BICRA: variants seen among roughly 807,000 people sequenced by gnomAD.
BICRA encodes the protein BRD4-interacting chromatin-remodeling complex-associated protein.
A neutral mutation model predicts 96.9 loss-of-function variants in BICRA; 31 were observed. The ratio of observed to expected loss-of-function variants is 0.32; its 90% confidence interval spans 0.24 to 0.43. The LOEUF is 0.43. Ranked by LOEUF, BICRA falls within the 20% of genes least tolerant of loss-of-function variation. BICRA has a pLI of 1.00. For synonymous variants in BICRA, 1,350 were observed against 1,071.8 expected, an observed-to-expected ratio of 1.26 and a Z score of -5.07; for missense variants, 2,283 against 2,190.3, an observed-to-expected ratio of 1.04 and a Z score of -0.84.
chr19:47,681,194 A>G lies in BICRA; in HGVS notation c.2024A>G (p.Glu675Gly). Residue 675 changes from glutamate (E) to glycine (G), a missense_variant, in exon 6 of 15, where the codon GAG becomes GGG. Coordinates refer to ENST00000594866, the MANE Select transcript of BICRA (RefSeq NM_001394372.1). ...AGCCCTGGCCTGGCGTCTAGCCCGG[A>G]GAAGATCGTCCTGGGGCAGCCGCCC... ...QPSPGLASSP[E>G]KIVLGQPPSA... The G allele has an allele frequency of 6.6e-7, 1 of 1,522,934 alleles. No homozygotes were observed. 94.3% of individuals were successfully genotyped at this position (1,522,934 alleles called of 1,614,324 possible). A position where few individuals can be genotyped will look rare whatever the true frequency, so the allele number is the denominator to read the frequency against.
intron 2 of BICRA, among the ~76,000 whole-genome samples, chr19:47,670,959 A>G (rs10420569): frequency 0.32 from 48,728 of 151,580 alleles, 9,890 homozygotes; most frequent in African/African-American, 0.57. Context: ...CCCGGGAGGC[A>G]CCTCCCCGGG....
chr19:47,651,469 C>T (rs1290506339), intron 1 of BICRA, among the ~76,000 whole-genome samples: 1 of 152,118 alleles, frequency 6.6e-6, no homozygotes, highest in Non-Finnish European at 1.5e-5. Flanking sequence ...CCTCCCCAAC[C>T]CATTCTTGGC....
intron 1 of BICRA, among the ~76,000 whole-genome samples, chr19:47,650,873 C>T (rs115549446): frequency 0.015 from 2,306 of 152,212 alleles, 59 homozygotes; most frequent in African/African-American, 0.052. Context: ...TGACACCATC[C>T]GCCCAGCCCG....
At chr19:47,619,041 C>A (rs1432671240) in intron 1 of BICRA, among the ~76,000 whole-genome samples, 1 of 152,166 alleles carries the variant, frequency 6.6e-6, no homozygotes, top group Non-Finnish European at 1.5e-5. Flanking sequence ...TGGCGCCCGG[C>A]CTGGGTGCGG....
At chr19:47,635,658 A>G (rs1568552600) in intron 1 of BICRA, among the ~76,000 whole-genome samples, 3 of 152,036 alleles carry the variant, frequency 2.0e-5, no homozygotes, top group Admixed American at 6.6e-5. Context: ...TTTCTGTCTC[A>G]TTGAATTCCC....
chr19:47,678,240 C>T (rs1419533602), intron 5 of BICRA, among the ~76,000 whole-genome samples: 4 of 152,094 alleles, frequency 2.6e-5, no homozygotes, highest in South Asian at 2.1e-4. Context: ...CTCAGCCTCC[C>T]GAGTAGCTGG....
intron 1 of BICRA, among the ~76,000 whole-genome samples, chr19:47,665,713 C>T (rs953739308): frequency 6.6e-6 from 1 of 152,198 alleles, no homozygotes; most frequent in Admixed American, 6.5e-5. Flanking sequence ...CAGCAAGACA[C>T]CTAGCTGGCC....
chr19:47,630,945 A>G (rs571037969), intron 1 of BICRA, among the ~76,000 whole-genome samples: 1 of 152,220 alleles, frequency 6.6e-6, no homozygotes, highest in Admixed American at 6.5e-5. Context: ...AAGTTTTCAA[A>G]ATCTGGTGTG....
chr19:47,633,558 T>C (rs530156415), intron 1 of BICRA, among the ~76,000 whole-genome samples: 1 of 152,310 alleles, frequency 6.6e-6, no homozygotes, highest in African/African-American at 2.4e-5. Context: ...TTAGTCTTCC[T>C]CTAGGACTAA....
intron 1 of BICRA, among the ~76,000 whole-genome samples, chr19:47,640,546 A>C (rs915167442): frequency 6.6e-6 from 1 of 151,838 alleles, no homozygotes; most frequent in Non-Finnish European, 1.5e-5. Context: ...AAAAAAAAAA[A>C]AAAATCCCTG....
At position 47,702,072 on chromosome 19, in the gene BICRA, C is replaced by A; in HGVS notation, c.4340C>A (p.Pro1447His). The A allele has an allele frequency of 6.6e-7, 1 of 1,512,084 alleles. No individual in the cohort carries two copies. The highest frequency in any genetic ancestry group is 2.6e-5 in the East Asian group (1 of 38,370). The allele number at this position is 1,512,084 out of a possible 1,614,324, so 93.7% of individuals were successfully genotyped here. A position where few individuals can be genotyped will look rare whatever the true frequency, so the allele number is the denominator to read the frequency against. ...DELYQRMLKG[P>H]PPEPAASAAQ... ...CTGTACCAGCGTATGCTGAAGGGCCCCCCGCCAGAGCCCGCAGCCAGCGCC... is the reference window on the plus strand; with the variant it reads ...CTGTACCAGCGTATGCTGAAGGGCCACCCGCCAGAGCCCGCAGCCAGCGCC... Residue 1447 changes from proline to histidine, a missense_variant, in exon 15 of 15, where the codon CCC becomes CAC. Pro to His is a moderately conservative substitution (Grantham distance 77). Transcript: ENST00000594866.
At chr19:47,629,198 T>G (rs1054650983) in intron 1 of BICRA, among the ~76,000 whole-genome samples, 1 of 151,486 alleles carries the variant, frequency 6.6e-6, no homozygotes, top group Non-Finnish European at 1.5e-5. Context: ...AGAGACGGGG[T>G]TTCACCGTGT....
At chr19:47,647,349 C>G (rs1190732620) in intron 1 of BICRA, among the ~76,000 whole-genome samples, 1 of 152,144 alleles carries the variant, frequency 6.6e-6, no homozygotes, top group African/African-American at 2.4e-5. Flanking sequence ...TGTTAACCTA[C>G]TGAGACCAGC....
intron 1 of BICRA, among the ~76,000 whole-genome samples, chr19:47,666,080 G>T (rs1972774161): frequency 6.6e-6 from 1 of 152,162 alleles, no homozygotes; most frequent in Non-Finnish European, 1.5e-5. Flanking sequence ...GTGTTCCTAT[G>T]TAACAGTCCC....
chr19:47,623,802 G>T (rs1568548172), intron 1 of BICRA, among the ~76,000 whole-genome samples: 1 of 151,892 alleles, frequency 6.6e-6, no homozygotes, highest in African/African-American at 2.4e-5. Context: ...CAAGGTCATT[G>T]CCCTGAGCAG....
chr19:47,682,030 T>G lies in BICRA; in HGVS notation c.2161T>G (p.Ser721Ala). Reference protein sequence around the residue: ...AEGPHLSVPASVIVSAPPPAQ... With the variant: ...AEGPHLSVPAAVIVSAPPPAQ... ...GGGCCCCCACCTCTCCGTGCCTGCC[T>G]CGGTCATAGTCAGCGCCCCGCCTCC... The change falls in exon 7 of 15, where the codon TCG becomes GCG. Residue 721 changes from serine (S) to alanine (A), a missense_variant. Transcript: ENST00000594866. 2 of 1,567,896 alleles carry G rather than the reference T, an allele frequency of 1.3e-6. No individual in the cohort carries two copies. Among genetic ancestry groups the G allele is most frequent in the Non-Finnish European group, 1.7e-6 (2 of 1,159,370 alleles).
intron 1 of BICRA, among the ~76,000 whole-genome samples, chr19:47,643,288 C>A (rs1030335689): frequency 1.3e-5 from 2 of 152,230 alleles, no homozygotes; most frequent in African/African-American, 4.8e-5. Context: ...TTTTAAACAG[C>A]CCTTTTTCTG....
chr19:47,688,231 C>T (rs1223974445), intron 7 of BICRA, among the ~76,000 whole-genome samples: 1 of 151,666 alleles, frequency 6.6e-6, no homozygotes, highest in African/African-American at 2.4e-5. Flanking sequence ...TTGAGGTCAG[C>T]CTGAACAACA....
rs1486897810 is a variant in BICRA, at chr19:47,681,233, C to T, written c.2063C>T (p.Thr688Met). ...GGGCAGCCGCCCTCTGCCACCCCCA[C>T]GGCCATCCTCACTCAGGACTCCCTG... ...VLGQPPSATP[T>M]AILTQDSLQM... The change falls in exon 6 of 15, where the codon ACG (threonine) becomes ATG (methionine). Residue 688 changes from threonine to methionine, a missense_variant. By Grantham distance (81) the Thr-to-Met change is moderately conservative. Transcript: ENST00000594866. 60 of 1,537,042 alleles carry T rather than the reference C, an allele frequency of 3.9e-5. No homozygotes were observed. In the Admixed American group the frequency reaches 9.2e-4, roughly 24 times the overall value.
Sources: allele counts gnomAD v4.1 joint callset (sites outside exome capture counted in the v4.1 genomes callset), GRCh38; gene constraint gnomAD v4.1.1; transcripts MANE v1.5; gene names NCBI Gene and HGNC (gene_info 2026-07-23, HGNC 2026-07-21).